The following GRK1 variants were observed in gnomAD, a reference collection of about 807,000 sequenced individuals.
The protein encoded by GRK1 is rhodopsin kinase GRK1.
Under a neutral mutation model 41.7 loss-of-function variants are expected in GRK1, and 28 were observed. The ratio of observed to expected loss-of-function variants is 0.67; its 90% CI spans 0.50 to 0.92. The LOEUF (loss-of-function observed/expected upper bound fraction) is 0.92, where lower values mean the gene tolerates loss of function less well. Among genes scored for constraint, GRK1 ranks in the 40% least tolerant of loss-of-function variants. The pLI, the probability that GRK1 is intolerant of heterozygous loss-of-function variation, is 0.00. For missense variants in GRK1, 703 were observed against 671.2 expected, an observed-to-expected ratio of 1.05 and a Z score of -0.52; for synonymous variants, 327 against 286.7, an observed-to-expected ratio of 1.14 and a Z score of -1.42.
intron 2 of GRK1, 70 bp downstream of exon 2, chr13:113,669,884 C>A (rs891594793): frequency 1.9e-6 from 3 of 1,579,054 alleles, no homozygotes; most frequent in African/African-American, 2.7e-5. Context: ...AGGGCCCGGG[C>A]TCCTTTCCAC....
chr13:113,727,903 AATGAGGAGTACCCATGGCG>A (rs2049901483), intron 4 of GRK1, among the ~76,000 whole-genome samples: 1 of 35,304 alleles, frequency 2.8e-5, no homozygotes, highest in African/African-American at 1.4e-4. Flanking sequence ...TACCCATGGC[AATGAGGAGTACCCATGGCG>A]ATGAGGAGTA....
the GRK1 span, among the ~76,000 whole-genome samples, chr13:113,661,050 A>T: frequency 6.6e-6 from 1 of 152,214 alleles, no homozygotes; most frequent in African/African-American, 2.4e-5. Flanking sequence ...GAGAATACAC[A>T]TTCTCTTTAA....
the GRK1 span, chr13:113,655,060 A>G: frequency 7.3e-7 from 1 of 1,371,566 alleles, no homozygotes; most frequent in Non-Finnish European, 9.9e-7. Flanking sequence ...GTTCCAGAAC[A>G]TTCTCCTCCC....
the GRK1 span, among the ~76,000 whole-genome samples, chr13:113,652,087 A>G: frequency 6.6e-6 from 1 of 152,152 alleles, no homozygotes; most frequent in East Asian, 1.9e-4. Flanking sequence ...CCTGCTCTGC[A>G]CAGCTCTTCC....
At position 113,731,111 on chromosome 13, in the gene GRK1, G is replaced by A; in HGVS notation, c.1070-108G>A. 1 of 1,444,308 alleles carries A rather than the reference G, an allele frequency of 6.9e-7. No homozygotes were observed. The allele number at this position is 1,444,308 out of a possible 1,614,324, so 89.5% of individuals were successfully genotyped here. Reference sequence around the variant, plus strand: ...TCTGGCCCCAAATGTGGAGAGTGCTGAGGCCCCGGGGGGGATGCATCCCCA... The same window carrying A: ...TCTGGCCCCAAATGTGGAGAGTGCTAAGGCCCCGGGGGGGATGCATCCCCA... On this transcript the variant is annotated intron_variant, in intron 4 of 6. Transcript: ENST00000335678. The surrounding 1 kb of genome is among the most constrained non-coding windows in gnomAD (Gnocchi z 5.6).
At chr13:113,733,664 T>TGTGC (rs1176848167) in intron 6 of GRK1, among the ~76,000 whole-genome samples, 27 of 116,430 alleles carry the variant, frequency 2.3e-4, no homozygotes, top group African/African-American at 8.7e-4. Context: ...TGTGTGTGCG[T>TGTGC]GTGTGCACGT....
rs1026035019 is a variant in GRK1 at position 113,732,869 on chromosome 13, C to T, written c.1195-15C>T. ...GGCGGGTCTGGCAGGGCTAAGGCTA[C>T]GCGTGTCCCCACAGGTGGAGAACAA... On this transcript the variant is annotated splice_polypyrimidine_tract_variant and intron_variant, in intron 5 of 6. Transcript: ENST00000335678. 1.5e-5 allele frequency: 23 copies of T among 1,535,638 alleles called. No individual in the cohort carries two copies. Among genetic ancestry groups the T allele is most frequent in the East Asian group, 2.4e-5 (1 of 40,890 alleles).
chr13:113,652,366 G>T, the GRK1 span, among the ~76,000 whole-genome samples: 1 of 152,246 alleles, frequency 6.6e-6, no homozygotes, highest in Non-Finnish European at 1.5e-5. Flanking sequence ...GCTGCCCGGA[G>T]GCCCAGCACA....
upstream of GRK1, among the ~76,000 whole-genome samples, chr13:113,662,317 CT>C (rs1473706007): frequency 1.3e-5 from 2 of 152,164 alleles, no homozygotes; most frequent in Non-Finnish European, 2.9e-5. Flanking sequence ...GCCTGTTCAA[CT>C]TGATTAAAAG....
chr13:113,729,655 C>G (rs1277476002), intron 4 of GRK1, among the ~76,000 whole-genome samples: 1 of 152,210 alleles, frequency 6.6e-6, no homozygotes, highest in African/African-American at 2.4e-5. Context: ...CAAAGGTGAC[C>G]TTGGCAGATG....
the GRK1 span, among the ~76,000 whole-genome samples, chr13:113,652,039 C>G: frequency 6.6e-6 from 1 of 152,178 alleles, no homozygotes; most frequent in African/African-American, 2.4e-5. Flanking sequence ...TGTCCAGGTC[C>G]GGTGGAGCAC....
rs1480395546 is a variant in GRK1 at position 113,733,672 on chromosome 13, CGTGTGTGCAT to C, written c.1396+590_1396+599del. Among the ~76,000 whole-genome samples, 25 of 89,208 alleles carry C rather than the reference CGTGTGTGCAT, an allele frequency of 2.8e-4. 1 individual carries two copies. Among genetic ancestry groups the C allele is most frequent in the African/African-American group, 7.4e-4 (19 of 25,700 alleles). 58.5% of individuals were successfully genotyped at this position (89,208 alleles called of 152,430 possible). A position where few individuals can be genotyped will look rare whatever the true frequency, so the allele number is the denominator to read the frequency against. ...GCATACGTGTGTGTGCGTGTGTGCACGTGTGTGCATGTATGTGTGCATACATGTGTGCGTG... is the reference window on the plus strand; with the variant it reads ...GCATACGTGTGTGTGCGTGTGTGCACGTATGTGTGCATACATGTGTGCGTG... On this transcript the variant is annotated intron_variant, in intron 6 of 6. Coordinates refer to ENST00000335678, the MANE Select transcript of GRK1 (RefSeq NM_002929.3).
At chr13:113,650,327 G>A in the GRK1 span, 1 of 1,327,234 alleles carries the variant, frequency 7.5e-7, no homozygotes, top group Non-Finnish European at 1.1e-6. The surrounding 1 kb of genome is among the most constrained non-coding windows in gnomAD (Gnocchi z 5.0). Flanking sequence ...CTACATGAAG[G>A]GGCTTATTGC....
rs539703392 is a variant in GRK1 at position 113,669,768 on chromosome 13, G to T, written c.781G>T (p.Ala261Ser). 2.5e-6 allele frequency: 4 copies of T among 1,613,862 alleles called. No homozygotes were observed. The African/African-American group carries it at 5.3e-5, about 22-fold the overall frequency. The change falls in exon 2 of 7, where the codon GCC becomes TCC. Residue 261 changes from alanine (A) to serine (S), a missense_variant. Physicochemically the swap from Ala to Ser is moderately conservative, Grantham distance 99. Coordinates refer to ENST00000335678, the MANE Select transcript of GRK1 (RefSeq NM_002929.3). ...TCTGGCCTATGCGTTTGAAACCAAA[G>T]CCGACCTCTGTCTGGTGATGACCAT... ...VSLAYAFETK[A>S]DLCLVMTIMN...
At chr13:113,733,211 C>G in intron 6 of GRK1, 126 bp downstream of exon 6, 1 of 906,496 alleles carries the variant, frequency 1.1e-6, no homozygotes, top group South Asian at 1.8e-5. Context: ...GGCTCTCCCT[C>G]TGCCCCCAGC....
the GRK1 span, chr13:113,650,623 C>T: frequency 1.5e-6 from 1 of 680,260 alleles, no homozygotes; most frequent in Non-Finnish European, 2.5e-6. The surrounding 1 kb of genome is among the most constrained non-coding windows in gnomAD (Gnocchi z 5.0). Context: ...TGCATAAACA[C>T]TTTATTGCAT....
chr13:113,663,548 C>T (rs746930061), upstream of GRK1, among the ~76,000 whole-genome samples: 7 of 152,200 alleles, frequency 4.6e-5, no homozygotes, highest in Non-Finnish European at 7.4e-5. Context: ...AGAGGATATT[C>T]GAAAACCGCA....
rs2049843666 is a variant in GRK1 at position 113,669,706 on chromosome 13, A to T, written c.719A>T (p.Lys240Met). 1.2e-6 allele frequency: 2 copies of T among 1,614,004 alleles called. No homozygotes were observed. The highest frequency in any genetic ancestry group is 2.2e-5 in the East Asian group (1 of 44,892). Reference protein sequence around the residue: ...KGYQGAMVEKKILMKVHSRFI... With the variant: ...KGYQGAMVEKMILMKVHSRFI... ...TTTCAGGGTGCTATGGTGGAGAAGA[A>T]GATTCTGATGAAAGTACACAGCAGG... is the stretch of plus-strand genomic sequence containing the variant. The change falls in exon 2 of 7, where the codon AAG becomes ATG. Residue 240 changes from lysine (K) to methionine (M), a missense_variant. By Grantham distance (95) the Lys-to-Met change is moderately conservative (BLOSUM62 -1). Coordinates refer to ENST00000335678, the MANE Select transcript of GRK1 (RefSeq NM_002929.3).
At chr13:113,665,384 G>A (rs2049811200), upstream of GRK1, among the ~76,000 whole-genome samples, 1 of 150,998 alleles carries the variant, frequency 6.6e-6, no homozygotes, top group Non-Finnish European at 1.5e-5. Flanking sequence ...AGCTGTCCCA[G>A]GTGTGCCCCA....
Sources: gnomAD v4.1 joint callset for allele counts (sites outside exome capture counted in the v4.1 genomes callset) on GRCh38, gnomAD v4.1.1 for gene constraint, Gnocchi (gnomAD v3.1) non-coding constraint, MANE v1.5 for transcripts, NCBI Gene and HGNC (gene_info 2026-07-23, HGNC 2026-07-21) for gene names.